METTL25: variants seen among roughly 807,000 people sequenced by gnomAD.
The protein encoded by METTL25 is probable methyltransferase-like protein 25.
In METTL25, 64 loss-of-function variants were observed where a neutral mutation model predicts 71.6. That is an observed-to-expected ratio of 0.89 (90% CI 0.73 to 1.10). The LOEUF is 1.10. Ranked by LOEUF, METTL25 falls within the 50% of genes least tolerant of loss-of-function variation. The pLI is 0.00. For synonymous variants in METTL25, 287 were observed against 250.3 expected (o/e 1.15, Z -1.38); for missense variants, 807 against 707.0 (o/e 1.14, Z -1.60).
chr12:82,420,471 A>G (rs1362712047), intron 5 of METTL25, among the ~76,000 whole-genome samples: 1 of 152,136 alleles, frequency 6.6e-6, no homozygotes, highest in African/African-American at 2.4e-5. Context: ...AAACACATGA[A>G]GTTGTATACA....
intron 5 of METTL25, among the ~76,000 whole-genome samples, chr12:82,425,197 T>C (rs1396484166): frequency 1.3e-5 from 2 of 152,078 alleles, no homozygotes; most frequent in Non-Finnish European, 2.9e-5. Context: ...TGGGCAATTT[T>C]ATTATGCCCA....
intron 1 of METTL25, among the ~76,000 whole-genome samples, chr12:82,364,684 C>A (rs184144708): frequency 6.6e-6 from 1 of 152,234 alleles, no homozygotes; most frequent in East Asian, 1.9e-4. Context: ...TAGCATAGAA[C>A]TGAGAATATA....
intron 5 of METTL25, among the ~76,000 whole-genome samples, chr12:82,409,335 G>A (rs1297373971): frequency 6.6e-6 from 1 of 151,984 alleles, no homozygotes; most frequent in Non-Finnish European, 1.5e-5. Context: ...GTGTCTGTTT[G>A]GCCAAGCTTG....
intron 6 of METTL25, 130 bp from the exon 7 acceptor site, chr12:82,434,565 T>C (rs1889770043): frequency 1.4e-6 from 1 of 711,522 alleles, no homozygotes. Context: ...CACTGTTAAG[T>C]GCATAAACTT....
chr12:82,408,402 C>G (rs996399720), intron 5 of METTL25, among the ~76,000 whole-genome samples: 13 of 151,834 alleles, frequency 8.6e-5, no homozygotes, highest in Middle Eastern at 3.4e-3. Flanking sequence ...GAGGTCAGAG[C>G]AAAAACCTGG....
At chr12:82,421,700 A>G (rs538906317) in intron 5 of METTL25, among the ~76,000 whole-genome samples, 3 of 152,308 alleles carry the variant, frequency 2.0e-5, no homozygotes, top group Admixed American at 1.3e-4. Context: ...GCAATAAAAA[A>G]TGATAAAGGA....
chr12:82,444,470 C>T (rs780660251), intron 8 of METTL25, among the ~76,000 whole-genome samples: 11 of 152,234 alleles, frequency 7.2e-5, no homozygotes, highest in Non-Finnish European at 1.0e-4. Flanking sequence ...GTATAAAACT[C>T]ATTGGTAAAA....
intron 2 of METTL25, among the ~76,000 whole-genome samples, chr12:82,387,990 C>A (rs1362930293): frequency 1.3e-5 from 2 of 151,948 alleles, no homozygotes; most frequent in African/African-American, 4.8e-5. Flanking sequence ...TCATACCTGG[C>A]ATTTAGTTGT....
At chr12:82,464,992 G>C (rs975251530) in intron 9 of METTL25, among the ~76,000 whole-genome samples, 1 of 151,612 alleles carries the variant, frequency 6.6e-6, no homozygotes, top group African/African-American at 2.4e-5. Flanking sequence ...TTAGTTCTAA[G>C]ACTTTTTTTG....
intron 7 of METTL25, 120 bp from the exon 8 acceptor site, chr12:82,438,598 C>A: frequency 2.5e-6 from 1 of 406,868 alleles, no homozygotes; most frequent in Non-Finnish European, 4.1e-6. Context: ...ATTATTAAGT[C>A]ATCCTCTGTG....
At chr12:82,449,160 T>G (rs1049002541) in intron 8 of METTL25, among the ~76,000 whole-genome samples, 2 of 152,244 alleles carry the variant, frequency 1.3e-5, no homozygotes, top group South Asian at 2.1e-4. Flanking sequence ...TACTGATTCC[T>G]TTTTAGCATG....
At chr12:82,433,566 G>GT (rs904693750) in intron 6 of METTL25, among the ~76,000 whole-genome samples, 7 of 151,676 alleles carry the variant, frequency 4.6e-5, no homozygotes, top group African/African-American at 1.7e-4. Context: ...TCCACATGGT[G>GT]TGAGGGCATG....
At chr12:82,424,764 C>G (rs746846362) in intron 5 of METTL25, among the ~76,000 whole-genome samples, 3 of 151,796 alleles carry the variant, frequency 2.0e-5, no homozygotes, top group Non-Finnish European at 4.4e-5. Flanking sequence ...TGGGTAGGCC[C>G]TAAATCTAAT....
At chr12:82,390,095 T>A (rs1403534024) in intron 3 of METTL25, among the ~76,000 whole-genome samples, 173 bp downstream of exon 3, 1 of 152,076 alleles carries the variant, frequency 6.6e-6, no homozygotes, top group Non-Finnish European at 1.5e-5. Flanking sequence ...TGTTATTTCC[T>A]AGTATATTGT....
At chr12:82,375,765 C>G (rs1344294744) in intron 1 of METTL25, among the ~76,000 whole-genome samples, 2 of 152,154 alleles carry the variant, frequency 1.3e-5, no homozygotes, top group Non-Finnish European at 2.9e-5. Flanking sequence ...TTTATAATAT[C>G]AGTATTCTTC....
chr12:82,362,966 C>CA (rs1012148368), intron 1 of METTL25, among the ~76,000 whole-genome samples: 10 of 152,204 alleles, frequency 6.6e-5, no homozygotes, highest in African/African-American at 2.4e-4. Context: ...GGTAGGAAGT[C>CA]AGAGTTTATG....
intron 3 of METTL25, among the ~76,000 whole-genome samples, chr12:82,391,005 C>G (rs1885524079): frequency 6.6e-6 from 1 of 152,004 alleles, no homozygotes; most frequent in African/African-American, 2.4e-5. Flanking sequence ...ATAATGAACT[C>G]AGACTTAAGG....
Position 82,449,563 on chromosome 12 carries a change from G to T in METTL25, c.1479-7164G>T, listed in dbSNP as rs527592482. Among the ~76,000 whole-genome samples, 6 of 152,120 alleles carry T rather than the reference G, an allele frequency of 3.9e-5. No individual in the cohort carries two copies. In the South Asian group the frequency reaches 1.2e-3, roughly 32 times the overall value. ...CAGGACCTCTGGAAGGTGAAATTCT[G>T]GGTTTTTTAAAATCCAGTTTAGAAG... On this transcript the variant is annotated intron_variant, in intron 8 of 11. Transcript: ENST00000248306.
At chr12:82,368,175 C>G (rs898304061) in intron 1 of METTL25, among the ~76,000 whole-genome samples, 13 of 151,928 alleles carry the variant, frequency 8.6e-5, no homozygotes, top group African/African-American at 3.1e-4. Flanking sequence ...TTATCTTGCA[C>G]AGGGCATTTA....
Sources: gnomAD v4.1 joint callset for allele counts (sites outside exome capture counted in the v4.1 genomes callset) on GRCh38, gnomAD v4.1.1 for gene constraint, MANE v1.5 for transcripts, NCBI Gene and HGNC (gene_info 2026-07-23, HGNC 2026-07-21) for gene names.